SUMF1: variants seen among roughly 807,000 people sequenced by gnomAD.
SUMF1 encodes the protein sulfatase modifying factor 1.
SUMF1 carries 48 observed loss-of-function variants against 47.6 expected under a neutral mutation model. That is an observed-to-expected ratio of 1.01 (90% CI 0.80 to 1.28). SUMF1 has a LOEUF of 1.28. SUMF1 is among the 50% of genes most tolerant of loss of function. The pLI is 0.00. For synonymous variants in SUMF1, 230 were observed against 192.1 expected (o/e 1.20, Z -1.63); for missense variants, 571 against 485.4 (o/e 1.18, Z -1.66).
intron 8 of SUMF1, among the ~76,000 whole-genome samples, chr3:4,125,468 C>G (rs1331269025): frequency 1.3e-5 from 2 of 152,150 alleles, no homozygotes; most frequent in African/African-American, 4.8e-5. Context: ...TACATTAACA[C>G]CCATGGGTAC....
chr3:4,399,435 TATGAAC>T (rs1438919813), intron 7 of SUMF1, among the ~76,000 whole-genome samples: 1 of 152,170 alleles, frequency 6.6e-6, no homozygotes, highest in East Asian at 1.9e-4. Flanking sequence ...GAAAACTCTT[TATGAAC>T]ATGGACTACT....
intron 8 of SUMF1, among the ~76,000 whole-genome samples, chr3:4,318,785 G>C (rs774521948): frequency 2.6e-5 from 4 of 152,124 alleles, no homozygotes; most frequent in Non-Finnish European, 5.9e-5. Context: ...GCACACACCT[G>C]TAATCCCAGC....
At chr3:4,319,195 G>T (rs1195762432) in intron 8 of SUMF1, among the ~76,000 whole-genome samples, 1 of 152,176 alleles carries the variant, frequency 6.6e-6, no homozygotes, top group African/African-American at 2.4e-5. Flanking sequence ...AAGACAGTTT[G>T]GTGGGCTCTT....
chr3:4,136,757 A>C (rs941966538), intron 8 of SUMF1, among the ~76,000 whole-genome samples: 5 of 150,630 alleles, frequency 3.3e-5, no homozygotes, highest in African/African-American at 1.2e-4. Context: ...TCTACAATGA[A>C]CTCAAACAAA....
chr3:4,312,736 G>A (rs1000042683), intron 8 of SUMF1, among the ~76,000 whole-genome samples: 4 of 149,842 alleles, frequency 2.7e-5, no homozygotes, highest in Non-Finnish European at 5.9e-5. Flanking sequence ...TTTTATTGAA[G>A]AGAGATGTTT....
chr3:4,040,488 T>C (rs1032228860), intron 9 of SUMF1, among the ~76,000 whole-genome samples: 2 of 152,170 alleles, frequency 1.3e-5, no homozygotes, highest in South Asian at 4.1e-4. Flanking sequence ...GATGAAGATA[T>C]ACGGGATATA....
chr3:4,420,029 A>T (rs1701839255), intron 4 of SUMF1, 35 bp downstream of exon 4: 3 of 1,585,754 alleles, frequency 1.9e-6, no homozygotes, highest in African/African-American at 2.7e-5. Context: ...TTTGCAATGG[A>T]ACTTGTCAAC....
At chr3:4,246,823 C>T (rs1183192852) in intron 8 of SUMF1, among the ~76,000 whole-genome samples, 1 of 152,128 alleles carries the variant, frequency 6.6e-6, no homozygotes, top group Non-Finnish European at 1.5e-5. Flanking sequence ...TTCCCTATGA[C>T]ATGAGAATAA....
At position 4,281,915 on chromosome 3, in the gene SUMF1, A is replaced by G. The variant is rs115014343; in HGVS notation, c.1014+94415T>C. Among the ~76,000 whole-genome samples, 1,134 of 152,312 alleles carry G rather than the reference A, an allele frequency of 7.4e-3. 4 individuals carry two copies. Among genetic ancestry groups the G allele is most frequent in the Non-Finnish European group, 0.012 (798 of 68,022 alleles). The stretch of plus-strand genomic sequence containing the variant: ...ATACTTCCTCTTCAAAAAAACAACA[A>G]AAAAGATTTCAGAAAGAAAGACAAA... On this transcript the variant is annotated intron_variant and NMD_transcript_variant, in intron 8 of 12. Coordinates refer to the SUMF1 transcript ENST00000448413.
At chr3:4,385,336 T>C (rs1700637811) in intron 7 of SUMF1, among the ~76,000 whole-genome samples, 1 of 152,198 alleles carries the variant, frequency 6.6e-6, no homozygotes, top group Admixed American at 6.5e-5. Flanking sequence ...ACGTGTGTAG[T>C]TGTATCTCCT....
intron 8 of SUMF1, chr3:4,317,174 C>A: frequency 6.5e-7 from 1 of 1,549,850 alleles, no homozygotes; most frequent in Non-Finnish European, 8.7e-7. Flanking sequence ...CGGATTTTTA[C>A]GCTACAGGAA....
At chr3:4,216,001 A>G (rs1695914699) in intron 8 of SUMF1, among the ~76,000 whole-genome samples, 1 of 152,190 alleles carries the variant, frequency 6.6e-6, no homozygotes. Flanking sequence ...ATCCCCATCA[A>G]GCTACCACTG....
chr3:4,287,416 A>C (rs1697654017), intron 8 of SUMF1, among the ~76,000 whole-genome samples: 1 of 151,944 alleles, frequency 6.6e-6, no homozygotes, highest in Non-Finnish European at 1.5e-5. Flanking sequence ...GTAAAAAAAA[A>C]AAATCTTTCA....
At chr3:4,222,558 C>G (rs1393815366) in intron 8 of SUMF1, among the ~76,000 whole-genome samples, 3 of 151,916 alleles carry the variant, frequency 2.0e-5, no homozygotes, top group Admixed American at 6.6e-5. Flanking sequence ...AGTTACTCCC[C>G]TCAGCAGCCC....
chr3:4,299,880 G>T (rs930466667), intron 8 of SUMF1, among the ~76,000 whole-genome samples: 5 of 152,176 alleles, frequency 3.3e-5, no homozygotes, highest in African/African-American at 1.2e-4. Context: ...TATTTCCCAT[G>T]GTCAGAAATT....
chr3:4,376,427 G>A (rs1275321094), intron 7 of SUMF1, 38 bp from the exon 8 acceptor site: 1 of 1,606,724 alleles, frequency 6.2e-7, no homozygotes, highest in Non-Finnish European at 8.5e-7. Flanking sequence ...AGACCAGAAG[G>A]CAAAGCTGCC....
At chr3:4,107,694 G>A (rs796799132) in intron 8 of SUMF1, among the ~76,000 whole-genome samples, 3 of 152,088 alleles carry the variant, frequency 2.0e-5, no homozygotes, top group African/African-American at 4.8e-5. Flanking sequence ...AACTCATGTC[G>A]GTAATAGCAG....
At chr3:4,318,148 A>G (rs962279533) in intron 8 of SUMF1, among the ~76,000 whole-genome samples, 1 of 152,156 alleles carries the variant, frequency 6.6e-6, no homozygotes, top group Non-Finnish European at 1.5e-5. Flanking sequence ...CAAAGACATT[A>G]CTAGGAAAGA....
rs146919206 is a variant in SUMF1, at chr3:4,102,003, G to A, written c.1015-33258C>T. On this transcript the variant is annotated intron_variant and NMD_transcript_variant, in intron 8 of 12. Coordinates refer to the SUMF1 transcript ENST00000448413. ...AGTGCTGAGCAAAAGGGGAAGCCCC[G>A]TAAAAAAGCATCAGATCTCATGAGA... is the stretch of plus-strand genomic sequence containing the variant. Among the ~76,000 whole-genome samples, 434 of 152,182 alleles carry A rather than the reference G, an allele frequency of 2.9e-3. 15 individuals are homozygous for A. Among genetic ancestry groups the A allele is most frequent in the African/African-American group, 9.9e-3 (410 of 41,498 alleles).
Sources: gnomAD v4.1 joint callset for allele counts (sites outside exome capture counted in the v4.1 genomes callset) on GRCh38, gnomAD v4.1.1 for gene constraint, MANE v1.5 for transcripts, NCBI Gene and HGNC (gene_info 2026-07-23, HGNC 2026-07-21) for gene names.